SRRM4: variants seen among roughly 807,000 people sequenced by gnomAD.
The protein encoded by SRRM4 is serine/arginine repetitive matrix protein 4.
A neutral mutation model predicts 68.9 loss-of-function variants in SRRM4; 33 were observed. That is an observed-to-expected ratio of 0.48 (90% confidence interval 0.36 to 0.64). The LOEUF (loss-of-function observed/expected upper bound fraction) is 0.64. Ranked by LOEUF, SRRM4 falls within the 30% of genes least tolerant of loss-of-function variation. SRRM4 has a pLI of 0.00. For missense variants in SRRM4, 817 were observed against 827.1 expected, an observed-to-expected ratio of 0.99 and a Z score of 0.15; for synonymous variants, 318 against 318.8, an observed-to-expected ratio of 1.00 and a Z score of 0.03.
At chr12:119,073,449 T>A (rs191857126) in intron 1 of SRRM4, among the ~76,000 whole-genome samples, 1 of 151,984 alleles carries the variant, frequency 6.6e-6, no homozygotes, top group East Asian at 1.9e-4. Flanking sequence ...TTTCTGAGCC[T>A]CCCGAGTAGC....
Position 119,035,552 on chromosome 12 carries a change from A to G in SRRM4, c.131+53539A>G, listed in dbSNP as rs57429175. Among the ~76,000 whole-genome samples, 957 of 151,804 alleles carry G rather than the reference A, an allele frequency of 6.3e-3. 3 individuals carry two copies. Among genetic ancestry groups the G allele is most frequent in the African/African-American group, 0.02 (835 of 41,372 alleles). Reference sequence around the variant, plus strand: ...CTGTATCTTTTACTTTTCCTTTTTCATTTCCATGTTTCTAAGTTTTCTTAA... The same window carrying G: ...CTGTATCTTTTACTTTTCCTTTTTCGTTTCCATGTTTCTAAGTTTTCTTAA... On this transcript the variant is annotated intron_variant, in intron 1 of 12. Transcript: ENST00000267260.
At chr12:119,087,903 G>A (rs931381804) in intron 1 of SRRM4, among the ~76,000 whole-genome samples, 1 of 152,040 alleles carries the variant, frequency 6.6e-6, no homozygotes, top group Non-Finnish European at 1.5e-5. Context: ...GCACCTCTCT[G>A]AGCCTGTTTT....
At chr12:119,052,953 A>G (rs1384428293) in intron 1 of SRRM4, among the ~76,000 whole-genome samples, 3 of 152,198 alleles carry the variant, frequency 2.0e-5, no homozygotes, top group African/African-American at 7.2e-5. Flanking sequence ...CCAAATTATT[A>G]TTTGCCTGAG....
intron 1 of SRRM4, among the ~76,000 whole-genome samples, chr12:118,986,122 CT>C (rs1594014278): frequency 6.6e-6 from 1 of 152,128 alleles, no homozygotes; most frequent in Admixed American, 6.5e-5. Flanking sequence ...AAAAAAATGC[CT>C]TTGAACCATT....
intron 5 of SRRM4, 134 bp downstream of exon 5, chr12:119,120,410 C>A: frequency 1.0e-6 from 1 of 962,118 alleles, no homozygotes. Context: ...GCCTCAGTTT[C>A]CTCCAAAATG....
chr12:118,985,712 C>A (rs761847162), intron 1 of SRRM4, among the ~76,000 whole-genome samples: 1 of 152,188 alleles, frequency 6.6e-6, no homozygotes, highest in Non-Finnish European at 1.5e-5. Flanking sequence ...TAACTTAATT[C>A]TCTTTTTTAA....
chr12:119,156,128 C>T (rs1346810551), intron 12 of SRRM4, among the ~76,000 whole-genome samples: 1 of 152,114 alleles, frequency 6.6e-6, no homozygotes, highest in African/African-American at 2.4e-5. Context: ...CGATACAGTA[C>T]AGTAAATGGA....
intron 1 of SRRM4, among the ~76,000 whole-genome samples, chr12:119,065,817 A>G (rs1241176501): frequency 6.6e-6 from 1 of 152,134 alleles, no homozygotes; most frequent in East Asian, 1.9e-4. Context: ...GGATGGATGG[A>G]TGGACAGATA....
intron 1 of SRRM4, among the ~76,000 whole-genome samples, chr12:119,036,397 C>A (rs1444386147): frequency 6.6e-6 from 1 of 152,210 alleles, no homozygotes; most frequent in Non-Finnish European, 1.5e-5. Flanking sequence ...TCGTTCTGAG[C>A]ATACGGTGGC....
rs544151825 is a variant in SRRM4 at position 119,047,492 on chromosome 12, C to G, written c.132-54744C>G. ...TTTTATCCCTCACCCTCCTCCCACC[C>G]TTTTTCCCCAAGTCCCCAAAGTCCA... On this transcript the variant is annotated intron_variant, in intron 1 of 12. Transcript: ENST00000267260. 5.9e-5 allele frequency among the ~76,000 whole-genome samples: 9 copies of G among 152,248 alleles called. No homozygotes were observed. The East Asian group carries it at 9.6e-4, about 16-fold the overall frequency.
chr12:119,108,578 T>C (rs1954122037), intron 2 of SRRM4, among the ~76,000 whole-genome samples: 1 of 152,218 alleles, frequency 6.6e-6, no homozygotes, highest in Non-Finnish European at 1.5e-5. Context: ...AATGGCCTTC[T>C]TTGTCTCTTT....
At position 119,158,811 on chromosome 12, in the gene SRRM4, G is replaced by C. The variant is rs576782111; in HGVS notation, c.*2013G>C. 1 of 152,650 alleles carries C rather than the reference G, an allele frequency of 6.6e-6. No homozygotes were observed. The highest frequency in any genetic ancestry group is 2.4e-5 in the African/African-American group (1 of 41,448). The allele number at this position is 152,650 out of a possible 1,614,324, so 9.5% of individuals were successfully genotyped here. ...TGAGAGGCATCAGAACCTCACGTTC[G>C]GACTGCCTTCATCAAGACAACTCTA... is the stretch of plus-strand genomic sequence containing the variant. On this transcript the variant is annotated 3_prime_UTR_variant, in exon 13 of 13. Coordinates refer to ENST00000267260, the MANE Select transcript of SRRM4 (RefSeq NM_194286.4).
chr12:119,070,043 T>C (rs900548020), intron 1 of SRRM4, among the ~76,000 whole-genome samples: 2 of 152,168 alleles, frequency 1.3e-5, no homozygotes, highest in African/African-American at 4.8e-5. Context: ...GATGATTGCC[T>C]TGGGAGAGGA....
In SRRM4 at chr12:119,159,688, T is replaced by C. The variant is rs1271605531; in HGVS notation, c.*2890T>C. On this transcript the variant is annotated 3_prime_UTR_variant, in exon 13 of 13. Transcript: ENST00000267260. The stretch of plus-strand genomic sequence containing the variant: ...CCCTAGCTTCTCTGAGCACACCTAG[T>C]TGGTTTCATGTATGTTACACATGCT... 3 of 152,220 alleles carry C rather than the reference T, an allele frequency of 2.0e-5. No individual in the cohort carries two copies. The East Asian group carries it at 5.8e-4, about 29-fold the overall frequency. 9.4% of individuals were successfully genotyped at this position (152,220 alleles called of 1,614,324 possible).
intron 1 of SRRM4, among the ~76,000 whole-genome samples, chr12:119,039,966 T>C (rs1231638710): frequency 6.6e-6 from 1 of 152,136 alleles, no homozygotes; most frequent in Non-Finnish European, 1.5e-5. Flanking sequence ...TTCCATTCTC[T>C]GACTACTTGG....
chr12:119,154,314 G>C lies in SRRM4; in HGVS notation c.1463G>C (p.Arg488Pro), dbSNP rs1486213043. The C allele has an allele frequency of 6.2e-7, 1 of 1,612,620 alleles. No individual in the cohort carries two copies. Among genetic ancestry groups the C allele is most frequent in the Non-Finnish European group, 8.5e-7 (1 of 1,179,510 alleles). ...RERERARRRR[R>P]SYSPMRKRRR... The stretch of plus-strand genomic sequence containing the variant: ...CGCGAGCGAGCGCGTCGGAGACGTC[G>C]GTCCTACTCGCCTATGAGAAAGCGC... The change falls in exon 12 of 13, where the codon CGG becomes CCG. Residue 488 changes from arginine (R) to proline (P), a missense_variant. Coordinates refer to ENST00000267260, the MANE Select transcript of SRRM4 (RefSeq NM_194286.4). The surrounding 1 kb of genome is among the most constrained non-coding windows in gnomAD (Gnocchi z 4.7).
chr12:119,103,414 C>A (rs1351127753), intron 2 of SRRM4, among the ~76,000 whole-genome samples: 1 of 152,118 alleles, frequency 6.6e-6, no homozygotes, highest in African/African-American at 2.4e-5. Flanking sequence ...CTCCATCCAC[C>A]CTTTCTCGTC....
intron 9 of SRRM4, among the ~76,000 whole-genome samples, chr12:119,149,902 C>T (rs1466940748): frequency 6.6e-6 from 1 of 152,130 alleles, no homozygotes; most frequent in South Asian, 2.1e-4. Context: ...CACTGAGCAC[C>T]TAACAGAGGT....
intron 1 of SRRM4, among the ~76,000 whole-genome samples, chr12:119,050,270 C>T (rs1953734124): frequency 6.6e-6 from 1 of 152,226 alleles, no homozygotes; most frequent in Admixed American, 6.5e-5. Flanking sequence ...AACACCTTCA[C>T]CATCTTTAAC....
Sources: gnomAD v4.1 joint callset for allele counts (sites outside exome capture counted in the v4.1 genomes callset) on GRCh38, gnomAD v4.1.1 for gene constraint, Gnocchi (gnomAD v3.1) non-coding constraint, MANE v1.5 for transcripts, NCBI Gene and HGNC (gene_info 2026-07-23, HGNC 2026-07-21) for gene names.